The following CDC123 variants were observed in gnomAD, a reference collection of about 807,000 sequenced individuals.
The protein encoded by CDC123 is translation initiation factor eIF2 assembly protein.
Under a neutral mutation model 54.4 loss-of-function variants are expected in CDC123, and 37 were observed. The ratio of observed to expected loss-of-function variants is 0.68; its 90% CI spans 0.52 to 0.89. The LOEUF (loss-of-function observed/expected upper bound fraction) is 0.89, where lower values mean the gene tolerates loss of function less well. Ranked by LOEUF, CDC123 falls within the 40% of genes least tolerant of loss-of-function variation. The pLI is 0.00. For synonymous variants in CDC123, 144 were observed against 136.8 expected, an observed-to-expected ratio of 1.05 and a Z score of -0.37; for missense variants, 361 against 412.1, an observed-to-expected ratio of 0.88 and a Z score of 1.07.
chr10:12,227,292 G>T (rs1299432528), intron 6 of CDC123, among the ~76,000 whole-genome samples: 4 of 149,886 alleles, frequency 2.7e-5, no homozygotes, highest in African/African-American at 9.8e-5. Context: ...AGGGGGAGGG[G>T]GAGGGGGAGG....
chr10:12,249,069 T>C (rs1836199827), intron 11 of CDC123, among the ~76,000 whole-genome samples: 1 of 148,478 alleles, frequency 6.7e-6, no homozygotes, highest in African/African-American at 2.5e-5. Flanking sequence ...AACAGAGACC[T>C]GGGCAACAGA....
intron 6 of CDC123, among the ~76,000 whole-genome samples, chr10:12,219,019 G>T (rs997177878): frequency 2.0e-5 from 3 of 152,348 alleles, no homozygotes; most frequent in African/African-American, 7.2e-5. Context: ...GCAGGAGCAT[G>T]AGAGTGAAAA....
chr10:12,217,386 G>A lies in CDC123; in HGVS notation c.359G>A (p.Ser120Asn), dbSNP rs949778008. 1 of 1,613,764 alleles carries A rather than the reference G, an allele frequency of 6.2e-7. No individual in the cohort carries two copies. Among genetic ancestry groups the A allele is most frequent in the South Asian group, 1.1e-5 (1 of 91,022 alleles). ...GATGCGTATTGGATAGCAATGAATA[G>A]TTCTCTGAAATGTAAAACCCTCAGC... The part of the protein sequence containing the change: ...PRDAYWIAMN[S>N]SLKCKTLSDI... The change falls in exon 6 of 13, where the codon AGT (serine) becomes AAT (asparagine). Residue 120 changes from serine (S) to asparagine (N), a missense_variant. Coordinates refer to ENST00000281141, the MANE Select transcript of CDC123 (RefSeq NM_006023.3).
intron 2 of CDC123, among the ~76,000 whole-genome samples, chr10:12,203,226 TC>T (rs1835466811): frequency 6.6e-6 from 1 of 152,210 alleles, no homozygotes; most frequent in Non-Finnish European, 1.5e-5. Flanking sequence ...GGACCCTAAT[TC>T]TTCATGCCTC....
intron 2 of CDC123, among the ~76,000 whole-genome samples, chr10:12,206,417 G>A (rs1222028593): frequency 3.3e-5 from 5 of 152,258 alleles, no homozygotes; most frequent in Admixed American, 1.3e-4. Context: ...GGATTCACAC[G>A]CTGACAGTGT....
intron 6 of CDC123, among the ~76,000 whole-genome samples, chr10:12,224,354 T>A (rs1212063850): frequency 6.6e-6 from 1 of 152,068 alleles, no homozygotes; most frequent in Non-Finnish European, 1.5e-5. Flanking sequence ...AAATTCCTGT[T>A]AACTGGCAAA....
At chr10:12,220,589 G>A (rs1174787479) in intron 6 of CDC123, among the ~76,000 whole-genome samples, 1 of 152,218 alleles carries the variant, frequency 6.6e-6, no homozygotes, top group African/African-American at 2.4e-5. Context: ...CAATTAATCG[G>A]TTGCATAACA....
chr10:12,213,229 A>G (rs12264694), intron 4 of CDC123, among the ~76,000 whole-genome samples: 2,986 of 152,312 alleles, frequency 0.02, 90 homozygotes, highest in African/African-American at 0.067. Flanking sequence ...GTAATGTTAC[A>G]ATGCAAAGAC....
intron 6 of CDC123, 32 bp from the exon 7 acceptor site, chr10:12,230,916 A>G (rs745651282): frequency 1.6e-5 from 26 of 1,605,496 alleles, no homozygotes; most frequent in Middle Eastern, 1.7e-4. Context: ...AGTAACAAAA[A>G]GATTCAGTTG....
rs144195373 is a variant in CDC123 at position 12,209,710 on chromosome 10, G to A, written c.147-257G>A. On this transcript the variant is annotated intron_variant, in intron 2 of 12. Coordinates refer to ENST00000281141, the MANE Select transcript of CDC123 (RefSeq NM_006023.3). ...CCCCCAAATAGCTGGGACTACAGGC[G>A]CATGCCACCTCGCCCAGCTAATTTC... Among the ~76,000 whole-genome samples the A allele has an allele frequency of 1.9e-4, 29 of 152,154 alleles. No homozygotes were observed. The South Asian group carries it at 2.9e-3, about 15-fold the overall frequency.
intron 10 of CDC123, 148 bp downstream of exon 10, chr10:12,238,633 T>C (rs949628154): frequency 1.1e-6 from 1 of 936,332 alleles, no homozygotes; most frequent in Non-Finnish European, 1.5e-6. Flanking sequence ...CCCAGCACTT[T>C]GGGAGGCTTA....
chr10:12,219,695 T>TTTG (rs1797766694), intron 6 of CDC123, among the ~76,000 whole-genome samples: 1 of 150,096 alleles, frequency 6.7e-6, no homozygotes, highest in Non-Finnish European at 1.5e-5. Context: ...TAATGGTTTT[T>TTTG]TTTTTTTTTG....
chr10:12,197,381 A>AT (rs33990698), intron 1 of CDC123, among the ~76,000 whole-genome samples: 57,486 of 150,446 alleles, frequency 0.38, 11,635 homozygotes, highest in Admixed American at 0.43. Flanking sequence ...GAAGAACTAG[A>AT]TTTTTTTTTT....
intron 6 of CDC123, among the ~76,000 whole-genome samples, chr10:12,228,797 C>T (rs542228654): frequency 1.4e-3 from 211 of 152,288 alleles, no homozygotes; most frequent in African/African-American, 4.8e-3. Context: ...CTCGAACTCC[C>T]AACCTCAGGT....
intron 2 of CDC123, among the ~76,000 whole-genome samples, chr10:12,205,102 C>A (rs1835500991): frequency 6.6e-6 from 1 of 152,042 alleles, no homozygotes; most frequent in Non-Finnish European, 1.5e-5. Context: ...CCTTTGCTAA[C>A]CATCTTTCTA....
At chr10:12,250,132 A>G (rs1313574861) in intron 12 of CDC123, 179 bp from the exon 13 acceptor site, 2 of 506,250 alleles carry the variant, frequency 4.0e-6, no homozygotes, top group African/African-American at 4.0e-5. Flanking sequence ...ATACTCAAAT[A>G]CCTGAGGATA....
intron 6 of CDC123, among the ~76,000 whole-genome samples, chr10:12,223,360 A>G (rs901239039): frequency 6.6e-6 from 1 of 151,908 alleles, no homozygotes; most frequent in African/African-American, 2.4e-5. Flanking sequence ...ATCTTGGCTC[A>G]CTGCAACCGC....
intron 2 of CDC123, among the ~76,000 whole-genome samples, chr10:12,205,116 T>C (rs1448517946): frequency 2.0e-5 from 3 of 151,866 alleles, no homozygotes; most frequent in African/African-American, 7.3e-5. Context: ...CTTTCTACTC[T>C]CTATATCCAT....
intron 7 of CDC123, among the ~76,000 whole-genome samples, 179 bp downstream of exon 7, chr10:12,231,175 G>A (rs1447888826): frequency 2.0e-5 from 3 of 152,136 alleles, no homozygotes; most frequent in African/African-American, 7.2e-5. Flanking sequence ...TATATAGAGT[G>A]TATATACCAA....
Sources: gnomAD v4.1 joint callset for allele counts (sites outside exome capture counted in the v4.1 genomes callset) on GRCh38, gnomAD v4.1.1 for gene constraint, MANE v1.5 for transcripts, NCBI Gene and HGNC (gene_info 2026-07-23, HGNC 2026-07-21) for gene names.